NXPH1: variants seen among roughly 807,000 people sequenced by gnomAD.
NXPH1 encodes neurexophilin 1.
NXPH1 carries 5 observed loss-of-function variants against 23.7 expected under a neutral mutation model. That is an observed-to-expected ratio of 0.21 (90% CI 0.11 to 0.44). The LOEUF (loss-of-function observed/expected upper bound fraction) is 0.44. NXPH1 is among the 20% of genes least tolerant of loss of function. NXPH1 has a pLI of 0.99. For synonymous variants in NXPH1, 144 were observed against 122.2 expected, an observed-to-expected ratio of 1.18 and a Z score of -1.18; for missense variants, 324 against 321.6, an observed-to-expected ratio of 1.01 and a Z score of -0.06.
At chr7:8,716,509 T>G (rs939589397) in intron 2 of NXPH1, among the ~76,000 whole-genome samples, 1 of 152,166 alleles carries the variant, frequency 6.6e-6, no homozygotes, top group Non-Finnish European at 1.5e-5. Context: ...TTTATCCAAT[T>G]TATTGTATCA....
At chr7:8,713,327 C>G (rs1304314787) in intron 2 of NXPH1, among the ~76,000 whole-genome samples, 8 of 152,100 alleles carry the variant, frequency 5.3e-5, no homozygotes, top group East Asian at 1.9e-4. Context: ...CTAAATTTAT[C>G]TGATAGGATT....
Position 8,751,291 on chromosome 7 carries a change from G to C in NXPH1, c.338G>C (p.Gly113Ala), listed in dbSNP as rs757626991. The part of the protein sequence containing the change: ...RAKRRPIVKT[G>A]KFKKMFGWGD... ...AAGAGAAGGCCCATTGTTAAAACGG[G>C]CAAGTTTAAGAAAATGTTTGGATGG... is the stretch of plus-strand genomic sequence containing the variant. Residue 113 changes from glycine (G) to alanine (A), a missense_variant, in exon 3 of 3, where the codon GGC becomes GCC. Transcript: ENST00000405863. The surrounding 1 kb of genome is among the most constrained non-coding windows in gnomAD (Gnocchi z 4.5). The C allele has an allele frequency of 6.2e-7, 1 of 1,613,910 alleles. No individual in the cohort carries two copies. The highest frequency in any genetic ancestry group is 1.1e-5 in the South Asian group (1 of 91,086).
intron 2 of NXPH1, among the ~76,000 whole-genome samples, chr7:8,483,568 C>T (rs1053567245): frequency 1.3e-5 from 2 of 152,140 alleles, no homozygotes; most frequent in African/African-American, 4.8e-5. Context: ...CTCAGCCTCC[C>T]AAACGGCTGG....
intron 2 of NXPH1, among the ~76,000 whole-genome samples, chr7:8,608,904 A>G (rs910369083): frequency 1.3e-5 from 2 of 152,280 alleles, no homozygotes; most frequent in Non-Finnish European, 2.9e-5. Context: ...GTAATTAGGT[A>G]CAACATTAAA....
chr7:8,660,408 A>T (rs1339094401), intron 2 of NXPH1, among the ~76,000 whole-genome samples: 2 of 152,164 alleles, frequency 1.3e-5, no homozygotes, highest in Non-Finnish European at 2.9e-5. Context: ...GAAAGTTTTG[A>T]AAAGAGACAC....
chr7:8,724,537 A>G (rs531439159), intron 2 of NXPH1, among the ~76,000 whole-genome samples: 1 of 152,350 alleles, frequency 6.6e-6, no homozygotes, highest in East Asian at 1.9e-4. Flanking sequence ...TTCTGAAAAT[A>G]TATACAAATT....
At chr7:8,479,715 G>T (rs1390592763) in intron 2 of NXPH1, among the ~76,000 whole-genome samples, 1 of 152,056 alleles carries the variant, frequency 6.6e-6, no homozygotes, top group East Asian at 1.9e-4. Context: ...CATATAGCTA[G>T]GAAGCTATCA....
intron 2 of NXPH1, among the ~76,000 whole-genome samples, chr7:8,563,850 C>A (rs1044621090): frequency 4.0e-5 from 6 of 151,742 alleles, no homozygotes; most frequent in Non-Finnish European, 8.9e-5. Flanking sequence ...AAACCATAAA[C>A]CCTGGAGGGA....
At chr7:8,553,996 T>C (rs1390950443) in intron 2 of NXPH1, among the ~76,000 whole-genome samples, 2 of 151,570 alleles carry the variant, frequency 1.3e-5, no homozygotes, top group Non-Finnish European at 3.0e-5. Context: ...TAGTATTGAA[T>C]CTCTAGAAAG....
intron 2 of NXPH1, among the ~76,000 whole-genome samples, chr7:8,635,938 G>C (rs1168499847): frequency 2.0e-5 from 3 of 152,150 alleles, no homozygotes; most frequent in South Asian, 4.1e-4. Flanking sequence ...TTCTTTGAGA[G>C]AGAGAAAGAA....
intron 2 of NXPH1, among the ~76,000 whole-genome samples, chr7:8,647,425 G>C (rs934925989): frequency 2.6e-5 from 4 of 152,124 alleles, no homozygotes; most frequent in African/African-American, 9.7e-5. Flanking sequence ...TCACACGATT[G>C]CATTTAACAG....
chr7:8,674,480 G>A (rs140391846), intron 2 of NXPH1, among the ~76,000 whole-genome samples: 1 of 152,170 alleles, frequency 6.6e-6, no homozygotes, highest in East Asian at 1.9e-4. Context: ...TTCATTCTTT[G>A]CAATTAAACT....
intron 2 of NXPH1, among the ~76,000 whole-genome samples, chr7:8,681,978 C>T (rs980393864): frequency 2.6e-5 from 4 of 152,134 alleles, no homozygotes; most frequent in African/African-American, 9.7e-5. Context: ...GGGCAATTAT[C>T]AGGAGCAAAA....
chr7:8,550,368 G>T (rs1417649092), intron 2 of NXPH1, among the ~76,000 whole-genome samples: 7 of 151,482 alleles, frequency 4.6e-5, no homozygotes, highest in Non-Finnish European at 1.0e-4. Flanking sequence ...AAACAAAATG[G>T]ATAATATATT....
At chr7:8,454,755 A>G (rs951323734) in intron 2 of NXPH1, among the ~76,000 whole-genome samples, 1 of 152,148 alleles carries the variant, frequency 6.6e-6, no homozygotes, top group African/African-American at 2.4e-5. Flanking sequence ...ATCAGTGCTC[A>G]ATGGAATCCC....
intron 2 of NXPH1, among the ~76,000 whole-genome samples, chr7:8,680,431 T>C (rs1821032853): frequency 1.3e-5 from 2 of 152,204 alleles, no homozygotes; most frequent in African/African-American, 4.8e-5. Context: ...CCATATAACC[T>C]AAGATTGTAG....
At chr7:8,708,693 C>T (rs1054435315) in intron 2 of NXPH1, among the ~76,000 whole-genome samples, 2 of 151,912 alleles carry the variant, frequency 1.3e-5, no homozygotes, top group African/African-American at 2.4e-5. Context: ...CCACCCCATA[C>T]AATTTTTTTT....
chr7:8,733,731 T>C (rs578132141), intron 2 of NXPH1, among the ~76,000 whole-genome samples: 1 of 152,340 alleles, frequency 6.6e-6, no homozygotes, highest in South Asian at 2.1e-4. Context: ...TGGGATTATT[T>C]TTTTCTTGTA....
rs142671190 is a variant in NXPH1, at chr7:8,563,910, A to G, written c.54+128143A>G. The stretch of plus-strand genomic sequence containing the variant: ...TTGAGATTAAAAGAGCAAAACAAAC[A>G]GCCACAAAACAAATAAATAAGTGAT... On this transcript the variant is annotated intron_variant, in intron 2 of 2. Transcript: ENST00000405863. Among the ~76,000 whole-genome samples the G allele has an allele frequency of 3.2e-3, 490 of 151,920 alleles. 3 individuals are homozygous for G. Among genetic ancestry groups the G allele is most frequent in the African/African-American group, 0.011 (464 of 41,516 alleles).
Sources: allele counts gnomAD v4.1 joint callset (sites outside exome capture counted in the v4.1 genomes callset), GRCh38; gene constraint gnomAD v4.1.1; non-coding constraint Gnocchi (gnomAD v3.1); transcripts MANE v1.5; gene names NCBI Gene and HGNC (gene_info 2026-07-23, HGNC 2026-07-21).